TTLL5: variants seen among roughly 807,000 people sequenced by gnomAD.
TTLL5 encodes the protein tubulin polyglutamylase TTLL5.
In TTLL5, 132 loss-of-function variants were observed where a neutral mutation model predicts 168.4. That is an observed-to-expected ratio of 0.78 (90% confidence interval 0.68 to 0.91). TTLL5 has a LOEUF of 0.91. TTLL5 is among the 40% of genes least tolerant of loss of function. The probability of loss-of-function intolerance (pLI) is 0.00; values close to 1 mark genes in which losing one functional copy is unlikely to be tolerated. For missense variants in TTLL5, 1,545 were observed against 1,581.5 expected, an observed-to-expected ratio of 0.98 and a Z score of 0.39; for synonymous variants, 546 against 558.6, an observed-to-expected ratio of 0.98 and a Z score of 0.32.
chr14:75,818,716 G>T (rs1468754908), intron 27 of TTLL5, among the ~76,000 whole-genome samples: 6 of 148,860 alleles, frequency 4.0e-5, no homozygotes, highest in Non-Finnish European at 8.9e-5. Context: ...AGCCAGGCTG[G>T]TCTCGGTCTC....
At chr14:75,722,125 CTG>C (rs1304182399) in intron 12 of TTLL5, among the ~76,000 whole-genome samples, 2 of 152,172 alleles carry the variant, frequency 1.3e-5, no homozygotes, top group African/African-American at 2.4e-5. Context: ...TCTAAGCACT[CTG>C]TGCTTTTGTG....
intron 29 of TTLL5, 59 bp from the exon 30 acceptor site, chr14:75,882,626 C>A: frequency 6.9e-7 from 1 of 1,457,010 alleles, no homozygotes. Context: ...TAGTTACATA[C>A]AGTAAATGGG....
chr14:75,875,238 T>C (rs901910106), intron 29 of TTLL5, among the ~76,000 whole-genome samples: 4 of 149,642 alleles, frequency 2.7e-5, no homozygotes, highest in Non-Finnish European at 5.9e-5. Context: ...CGGCCTATAT[T>C]TTTTAACTCA....
intron 12 of TTLL5, among the ~76,000 whole-genome samples, chr14:75,724,858 G>A (rs1888092119): frequency 6.6e-6 from 1 of 152,136 alleles, no homozygotes; most frequent in South Asian, 2.1e-4. Flanking sequence ...TAGGAAATTG[G>A]CATTGTGAGA....
At chr14:75,719,852 T>C (rs1260984817) in intron 11 of TTLL5, 26 bp downstream of exon 11, 1 of 1,601,174 alleles carries the variant, frequency 6.2e-7, no homozygotes, top group Non-Finnish European at 8.6e-7. Context: ...TTTTCCTTCT[T>C]GACTTCTCTT....
chr14:75,886,854 T>C, intron 30 of TTLL5: 1 of 1,512,128 alleles, frequency 6.6e-7, no homozygotes, highest in East Asian at 2.4e-5. Context: ...CTCCAGGAAA[T>C]ATGGAGAAAG....
chr14:75,916,644 C>CA (rs2033625568), intron 31 of TTLL5, among the ~76,000 whole-genome samples: 2 of 152,010 alleles, frequency 1.3e-5, no homozygotes, highest in African/African-American at 2.4e-5. Flanking sequence ...CTCAAAAAAA[C>CA]AAAAAAATTG....
Position 75,681,654 on chromosome 14 carries a change from G to C in TTLL5, c.264+27G>C, listed in dbSNP as rs773757522. The C allele has an allele frequency of 2.5e-6, 4 of 1,595,370 alleles. No homozygotes were observed. The South Asian group carries it at 4.4e-5, about 18-fold the overall frequency. On this transcript the variant is annotated intron_variant, in intron 4 of 31. Transcript: ENST00000298832. ...TAAGTTTATTTTTAATACCTCACCT[G>C]ATCTGCTCATAAGCTGAAAATCCCA...
chr14:75,856,318 A>G (rs1272822916), intron 28 of TTLL5, among the ~76,000 whole-genome samples: 1 of 152,200 alleles, frequency 6.6e-6, no homozygotes, highest in Non-Finnish European at 1.5e-5. Flanking sequence ...AGACAAGATC[A>G]TGCCACTGTG....
chr14:75,905,826 C>T lies in TTLL5; in HGVS notation c.3823+3602C>T, dbSNP rs543721224. Among the ~76,000 whole-genome samples the T allele has an allele frequency of 5.3e-5, 8 of 152,334 alleles. No homozygotes were observed. The East Asian group carries it at 1.5e-3, about 29-fold the overall frequency. The stretch of plus-strand genomic sequence containing the variant: ...GAAGCCGCAGCAGCTGCCCTCATCC[C>T]TGCCCCTTAGCTTCTGCCTAAGCCT... On this transcript the variant is annotated intron_variant, in intron 31 of 31. Coordinates refer to ENST00000298832, the MANE Select transcript of TTLL5 (RefSeq NM_015072.5).
chr14:75,767,740 A>G (rs1307375965), intron 20 of TTLL5, among the ~76,000 whole-genome samples: 2 of 152,228 alleles, frequency 1.3e-5, no homozygotes, highest in Non-Finnish European at 2.9e-5. Flanking sequence ...TTTAGAAAGT[A>G]AATCGTGCTT....
At chr14:75,877,441 A>G (rs1360155960) in intron 29 of TTLL5, among the ~76,000 whole-genome samples, 1 of 152,110 alleles carries the variant, frequency 6.6e-6, no homozygotes, top group African/African-American at 2.4e-5. Context: ...GTTGTGGGAG[A>G]AGGAGGGCCT....
chr14:75,733,784 A>G (rs1888707839), intron 13 of TTLL5, among the ~76,000 whole-genome samples: 2 of 152,234 alleles, frequency 1.3e-5, no homozygotes, highest in African/African-American at 4.8e-5. Context: ...CGTTTGCATT[A>G]CAGAGGACGA....
At chr14:75,949,784 A>C (rs2034897933) in intron 31 of TTLL5, among the ~76,000 whole-genome samples, 2 of 151,892 alleles carry the variant, frequency 1.3e-5, no homozygotes, top group African/African-American at 4.8e-5. Flanking sequence ...CAGGAGATGG[A>C]AGCTGCAGTG....
chr14:75,772,233 A>G (rs1383224899), intron 21 of TTLL5, among the ~76,000 whole-genome samples: 1 of 152,238 alleles, frequency 6.6e-6, no homozygotes, highest in East Asian at 1.9e-4. Context: ...GGTAGGCATT[A>G]TCATCCCTGT....
chr14:75,823,567 C>T (rs1414229080), intron 28 of TTLL5, among the ~76,000 whole-genome samples: 3 of 152,200 alleles, frequency 2.0e-5, no homozygotes, highest in African/African-American at 7.2e-5. Context: ...CCACGAATGT[C>T]TGGCTCCTGC....
chr14:75,723,709 G>C (rs992627319), intron 12 of TTLL5, among the ~76,000 whole-genome samples: 2 of 152,140 alleles, frequency 1.3e-5, no homozygotes, highest in African/African-American at 4.8e-5. Context: ...GGAAGAAGCT[G>C]TGACTTTCTC....
chr14:75,801,212 G>A (rs1445791500), intron 27 of TTLL5, among the ~76,000 whole-genome samples: 1 of 152,048 alleles, frequency 6.6e-6, no homozygotes, highest in Non-Finnish European at 1.5e-5. Context: ...TTTTGCTGTG[G>A]GGGATGGGGG....
intron 18 of TTLL5, among the ~76,000 whole-genome samples, chr14:75,755,542 A>G (rs573778044): frequency 6.6e-6 from 1 of 151,990 alleles, no homozygotes; most frequent in Non-Finnish European, 1.5e-5. Flanking sequence ...TTTATCCCTC[A>G]GTCTAATTTA....
Sources: gnomAD v4.1 joint callset for allele counts (sites outside exome capture counted in the v4.1 genomes callset) on GRCh38, gnomAD v4.1.1 for gene constraint, MANE v1.5 for transcripts, NCBI Gene and HGNC (gene_info 2026-07-23, HGNC 2026-07-21) for gene names.